ETV1: variants seen among roughly 807,000 people sequenced by gnomAD.
ETV1 encodes the protein ETS translocation variant 1.
ETV1 carries 27 observed loss-of-function variants against 62.3 expected under a neutral mutation model. That is an observed-to-expected ratio of 0.43 (90% CI 0.32 to 0.60). The LOEUF (loss-of-function observed/expected upper bound fraction) is 0.60. Ranked by LOEUF, ETV1 falls within the 20% of genes least tolerant of loss-of-function variation. ETV1 has a pLI of 0.06. For synonymous variants in ETV1, 222 were observed against 199.6 expected, an observed-to-expected ratio of 1.11 and a Z score of -0.94; for missense variants, 605 against 605.8, an observed-to-expected ratio of 1.00 and a Z score of 0.01.
In ETV1 at chr7:13,900,902, A is replaced by G. The variant is rs187568304; in HGVS notation, c.1111-63T>C. ...TAACTTATCAGCATATTTCATAAAA[A>G]TTATTTAATTAATTACTTCCAAACC... On this transcript the variant is annotated intron_variant, in intron 12 of 13. Transcript: ENST00000430479. 37 of 1,103,802 alleles carry G rather than the reference A, an allele frequency of 3.4e-5. No individual in the cohort carries two copies. In the South Asian group the frequency reaches 5.5e-4, roughly 16 times the overall value. The allele number at this position is 1,103,802 out of a possible 1,614,324, so 68.4% of individuals were successfully genotyped here.
chr7:13,949,340 T>C (rs1014348213), intron 6 of ETV1, among the ~76,000 whole-genome samples: 1 of 152,286 alleles, frequency 6.6e-6, no homozygotes, highest in Admixed American at 6.5e-5. Context: ...TTAATATCAC[T>C]TCAATTTCAG....
chr7:13,988,503 T>C lies in ETV1; in HGVS notation c.46-330A>G, dbSNP rs374789574. 4.2e-5 allele frequency: 30 copies of C among 709,308 alleles called. No homozygotes were observed. The African/African-American group carries it at 4.9e-4, about 12-fold the overall frequency. 43.9% of individuals were successfully genotyped at this position (709,308 alleles called of 1,614,324 possible). A position where few individuals can be genotyped will look rare whatever the true frequency, so the allele number is the denominator to read the frequency against. On this transcript the variant is annotated intron_variant, in intron 3 of 13. Transcript: ENST00000430479. ...AGTTGTTTTTAGGCTGGTTCAATGC[T>C]AGATTAAAACAGTGGGTTTTATTCT...
At chr7:13,991,163 A>G (rs899390977), upstream of ETV1, 1 of 152,242 alleles carries the variant, frequency 6.6e-6, no homozygotes, top group Admixed American at 6.5e-5. Context: ...AACCCCGGCC[A>G]AGGAGAGATT....
intron 9 of ETV1, among the ~76,000 whole-genome samples, chr7:13,917,003 C>T (rs1167606616): frequency 1.3e-5 from 2 of 151,490 alleles, no homozygotes; most frequent in Non-Finnish European, 2.9e-5. Flanking sequence ...ATGCAGTTAT[C>T]GCAGTTATCT....
rs761964463 is a variant in ETV1, at chr7:13,895,988, T to C, written c.1312A>G (p.Met438Val). 4.7e-5 allele frequency: 76 copies of C among 1,613,652 alleles called. No individual in the cohort carries two copies. In the South Asian group the frequency reaches 8.0e-4, roughly 17 times the overall value. ...TCCTCCTCGTTGATGTGACGTTCCATGTCTGTCTTCAGCAGTGGACGCTGA... is the reference window on the plus strand; with the variant it reads ...TCCTCCTCGTTGATGTGACGTTCCACGTCTGTCTTCAGCAGTGGACGCTGA... ...DNQRPLLKTD[M>V]ERHINEEDTV... Residue 438 changes from methionine (M) to valine (V), a missense_variant, in exon 14 of 14, where the codon ATG becomes GTG. Met to Val is a conservative substitution (Grantham distance 21). Around this residue, in one of 3 missense-constraint regions of ETV1, gnomAD observed 79 missense variants for 71.6 expected, o/e 1.10. Transcript: ENST00000430479.
intron 11 of ETV1, among the ~76,000 whole-genome samples, chr7:13,908,780 T>C (rs1393305378): frequency 6.6e-6 from 1 of 152,016 alleles, no homozygotes; most frequent in African/African-American, 2.4e-5. Flanking sequence ...ATAATGACAA[T>C]TTAAAACTTC....
chr7:13,891,955 C>G lies in ETV1; in HGVS notation c.*3911G>C, dbSNP rs1179770827. 1 of 231,788 alleles carries G rather than the reference C, an allele frequency of 4.3e-6. No individual in the cohort carries two copies. Among genetic ancestry groups the G allele is most frequent in the African/African-American group, 2.2e-5 (1 of 45,272 alleles). The allele number at this position is 231,788 out of a possible 1,614,324, so 14.4% of individuals were successfully genotyped here. On this transcript the variant is annotated 3_prime_UTR_variant, in exon 14 of 14. Coordinates refer to ENST00000430479, the MANE Select transcript of ETV1 (RefSeq NM_004956.5). The stretch of plus-strand genomic sequence containing the variant: ...CTGTAATGTTTTCTCATTACAAGCT[C>G]TGAAAAGGCTGCATGATAGACAAAG...
rs180719429 is a variant in ETV1, at chr7:13,906,812, T to C, written c.941-213A>G. On this transcript the variant is annotated intron_variant, in intron 11 of 13. Coordinates refer to ENST00000430479, the MANE Select transcript of ETV1 (RefSeq NM_004956.5). Reference sequence around the variant, plus strand: ...GTACGAACTTACAGATAACTATATATAACACAGGTGCAGAATAAATCCTGT... The same window carrying C: ...GTACGAACTTACAGATAACTATATACAACACAGGTGCAGAATAAATCCTGT... 4.6e-5 allele frequency among the ~76,000 whole-genome samples: 7 copies of C among 152,284 alleles called. No individual in the cohort carries two copies. In the East Asian group the frequency reaches 1.2e-3, roughly 25 times the overall value.
chr7:13,985,349 T>A (rs1213811868), intron 5 of ETV1: 1 of 152,072 alleles, frequency 6.6e-6, no homozygotes, highest in Non-Finnish European at 1.5e-5. Context: ...TTTCAGTAAG[T>A]CTTACCTTCA....
chr7:13,905,433 T>A lies in ETV1; in HGVS notation c.1110+997A>T, dbSNP rs537056919. ...TCTTCCATTGCTTTTTTGGCTGATA[T>A]AAACTAAAGTCAATTTTAATAGTAG... is the stretch of plus-strand genomic sequence containing the variant. On this transcript the variant is annotated intron_variant, in intron 12 of 13. Coordinates refer to ENST00000430479, the MANE Select transcript of ETV1 (RefSeq NM_004956.5). Among the ~76,000 whole-genome samples the A allele has an allele frequency of 1.4e-3, 219 of 152,318 alleles. 9 individuals carry two copies. The South Asian group carries it at 0.044, about 30-fold the overall frequency.
In ETV1 at chr7:13,988,713, C is replaced by T; in HGVS notation, c.45+295G>A. ...TTTCAATGTGGCAGACAAACCCAGC[C>T]AAAAACTTTGAGTGCAGCAGCTGCT... On this transcript the variant is annotated intron_variant, in intron 3 of 13. Coordinates refer to ENST00000430479, the MANE Select transcript of ETV1 (RefSeq NM_004956.5). 2.5e-6 allele frequency: 4 copies of T among 1,612,664 alleles called. No homozygotes were observed. The South Asian group carries it at 4.4e-5, about 18-fold the overall frequency.
chr7:13,907,570 C>T (rs1015496162), intron 11 of ETV1, among the ~76,000 whole-genome samples: 9 of 151,972 alleles, frequency 5.9e-5, no homozygotes, highest in Non-Finnish European at 1.0e-4. Context: ...AGTTTCATGA[C>T]TTCTGATTAT....
At chr7:13,911,051 T>C (rs577489867) in intron 10 of ETV1, among the ~76,000 whole-genome samples, 188 bp downstream of exon 10, 1 of 152,234 alleles carries the variant, frequency 6.6e-6, no homozygotes, top group Non-Finnish European at 1.5e-5. Context: ...ATATGACTCA[T>C]GTTAACAACA....
At chr7:13,930,946 A>G (rs1303558004) in intron 9 of ETV1, among the ~76,000 whole-genome samples, 7 of 151,792 alleles carry the variant, frequency 4.6e-5, no homozygotes, top group Admixed American at 1.3e-4. Flanking sequence ...GACTACAGGC[A>G]CGTGCCACCA....
intron 6 of ETV1, among the ~76,000 whole-genome samples, chr7:13,953,568 G>C (rs1461216225): frequency 1.3e-5 from 2 of 152,028 alleles, no homozygotes; most frequent in Non-Finnish European, 2.9e-5. Flanking sequence ...GAAGTACTGA[G>C]GAATGCTACG....
At chr7:13,937,133 T>C (rs754088108) in intron 7 of ETV1, among the ~76,000 whole-genome samples, 2 of 152,230 alleles carry the variant, frequency 1.3e-5, no homozygotes, top group African/African-American at 2.4e-5. Flanking sequence ...AATTATGTAA[T>C]AATTTATTCT....
chr7:13,924,589 C>A (rs1184064762), intron 9 of ETV1, among the ~76,000 whole-genome samples: 1 of 152,174 alleles, frequency 6.6e-6, no homozygotes, highest in African/African-American at 2.4e-5. Context: ...TATCTTCAAG[C>A]AGATGCCCTG....
At chr7:13,953,607 C>G (rs1268285570) in intron 6 of ETV1, among the ~76,000 whole-genome samples, 2 of 151,524 alleles carry the variant, frequency 1.3e-5, no homozygotes, top group Admixed American at 6.6e-5. Context: ...TGTGCAGACA[C>G]CAGAGGTGCT....
intron 6 of ETV1, among the ~76,000 whole-genome samples, chr7:13,960,804 T>G (rs978399012): frequency 6.6e-6 from 1 of 152,176 alleles, no homozygotes; most frequent in African/African-American, 2.4e-5. Flanking sequence ...ACTCAAATTC[T>G]GATTTGTTTT....
Sources: gnomAD v4.1 joint callset for allele counts (sites outside exome capture counted in the v4.1 genomes callset) on GRCh38, gnomAD v4.1.1 for gene constraint, gnomAD v4.1.1 regional missense constraint, MANE v1.5 for transcripts, NCBI Gene and HGNC (gene_info 2026-07-23, HGNC 2026-07-21) for gene names.